The following AGBL4 variants were observed in gnomAD, a reference collection of about 807,000 sequenced individuals.
AGBL4 encodes the protein cytosolic carboxypeptidase 6.
Under a neutral mutation model 66.4 loss-of-function variants are expected in AGBL4, and 58 were observed. The observed-to-expected ratio is 0.87, with a 90% CI of 0.71 to 1.09. The LOEUF (loss-of-function observed/expected upper bound fraction) is 1.09, where lower values mean the gene tolerates loss of function less well. Ranked by LOEUF, AGBL4 falls within the 50% of genes least tolerant of loss-of-function variation. The probability of loss-of-function intolerance (pLI) is 0.00; values close to 1 mark genes in which losing one functional copy is unlikely to be tolerated. For synonymous variants in AGBL4, 234 were observed against 222.9 expected (o/e 1.05, Z -0.44); for missense variants, 579 against 631.0 (o/e 0.92, Z 0.88).
chr1:49,794,103 G>C (rs1417009190), intron 2 of AGBL4, among the ~76,000 whole-genome samples: 2 of 152,014 alleles, frequency 1.3e-5, no homozygotes, highest in East Asian at 3.9e-4. Context: ...TGAAGAATAA[G>C]TGAGAATCAA....
At chr1:49,642,710 T>C (rs947422425) in intron 3 of AGBL4, among the ~76,000 whole-genome samples, 9 of 151,942 alleles carry the variant, frequency 5.9e-5, no homozygotes, top group Non-Finnish European at 1.3e-4. Flanking sequence ...TTTGACAAAC[T>C]ACTCAGATAA....
At chr1:48,947,845 TC>T (rs1656647565) in intron 5 of AGBL4, among the ~76,000 whole-genome samples, 2 of 143,628 alleles carry the variant, frequency 1.4e-5, no homozygotes, top group African/African-American at 6.0e-5. Context: ...TTTTTTTCTC[TC>T]TCTCTTTTTG....
chr1:49,950,073 T>A (rs12748831), intron 1 of AGBL4, among the ~76,000 whole-genome samples: 9 of 141,756 alleles, frequency 6.3e-5, no homozygotes, highest in African/African-American at 2.3e-4. Context: ...CACATATATA[T>A]ACACATATGT....
At chr1:49,905,939 TC>T (rs1425958514) in intron 1 of AGBL4, among the ~76,000 whole-genome samples, 1 of 152,052 alleles carries the variant, frequency 6.6e-6, no homozygotes, top group Non-Finnish European at 1.5e-5. Context: ...CCCTACTCTC[TC>T]CCTTAGTATG....
At chr1:49,855,601 C>G (rs1249955398) in intron 1 of AGBL4, among the ~76,000 whole-genome samples, 1 of 152,070 alleles carries the variant, frequency 6.6e-6, no homozygotes, top group Non-Finnish European at 1.5e-5. Flanking sequence ...ACAAGAGGAT[C>G]TCTGCAGACT....
chr1:48,740,084 T>G (rs1444966735), intron 6 of AGBL4, among the ~76,000 whole-genome samples: 1 of 152,240 alleles, frequency 6.6e-6, no homozygotes, highest in Non-Finnish European at 1.5e-5. Context: ...GTTTTTCACT[T>G]CTGATGAGCT....
Position 48,590,903 on chromosome 1 carries a change from T to C in AGBL4, c.1034A>G (p.Asp345Gly). ...NGFMYGNIFE[D>G]EERFQRQAIF... ...GGCCTGCCTCTGGAACCGTTCCTCATCCTCAAAGATGTTGCCATACATGAA... is the reference window on the plus strand; with the variant it reads ...GGCCTGCCTCTGGAACCGTTCCTCACCCTCAAAGATGTTGCCATACATGAA... The change falls in exon 10 of 14, where the codon GAT (aspartate) becomes GGT (glycine). Residue 345 changes from aspartate to glycine, a missense_variant. Asp to Gly is a moderately conservative substitution (Grantham distance 94). Coordinates refer to ENST00000371839, the MANE Select transcript of AGBL4 (RefSeq NM_032785.4). 1 of 1,609,476 alleles carries C rather than the reference T, an allele frequency of 6.2e-7. No homozygotes were observed. Among genetic ancestry groups the C allele is most frequent in the Non-Finnish European group, 8.5e-7 (1 of 1,178,126 alleles).
At position 49,785,596 on chromosome 1, in the gene AGBL4, A is replaced by G. The variant is rs184573908; in HGVS notation, c.157+65800T>C. Among the ~76,000 whole-genome samples the G allele has an allele frequency of 5.3e-3, 805 of 152,074 alleles. 8 individuals carry two copies. Among genetic ancestry groups the G allele is most frequent in the Non-Finnish European group, 6.6e-3 (446 of 67,886 alleles). On this transcript the variant is annotated intron_variant, in intron 2 of 13. Transcript: ENST00000371839. ...CTATTTCAGGGTGGCAATGATAACA[A>G]TGATGTTCTGAAAACATATACAATG...
Position 49,039,499 on chromosome 1 carries a change from G to A in AGBL4, c.594+6085C>T, listed in dbSNP as rs76128205. On this transcript the variant is annotated intron_variant, in intron 5 of 13. Transcript: ENST00000371839. Reference sequence around the variant, plus strand: ...TCAATTTTGCTGTGAAACTAAAACCGTTCTAAAAAAGAAAAGAGTATATTA... The same window carrying A: ...TCAATTTTGCTGTGAAACTAAAACCATTCTAAAAAAGAAAAGAGTATATTA... Among the ~76,000 whole-genome samples the A allele has an allele frequency of 3.3e-3, 500 of 152,084 alleles. 3 individuals carry two copies. Among genetic ancestry groups the A allele is most frequent in the Non-Finnish European group, 5.4e-3 (364 of 67,924 alleles).
At chr1:49,100,453 G>A (rs1457538795) in intron 4 of AGBL4, among the ~76,000 whole-genome samples, 2 of 152,232 alleles carry the variant, frequency 1.3e-5, no homozygotes, top group Non-Finnish European at 2.9e-5. Flanking sequence ...GTCTTCAAAG[G>A]AGAATCTGGA....
At chr1:49,041,135 T>C (rs1022015764) in intron 5 of AGBL4, among the ~76,000 whole-genome samples, 1 of 152,068 alleles carries the variant, frequency 6.6e-6, no homozygotes, top group Non-Finnish European at 1.5e-5. Flanking sequence ...GATTGATAGT[T>C]CTAGCACTAA....
At chr1:48,874,029 A>G (rs1648965098) in intron 5 of AGBL4, among the ~76,000 whole-genome samples, 1 of 152,152 alleles carries the variant, frequency 6.6e-6, no homozygotes, top group Non-Finnish European at 1.5e-5. Context: ...TTCGTGCAAG[A>G]TAGCTATTTG....
At chr1:48,589,240 A>G (rs1434653255) in intron 10 of AGBL4, among the ~76,000 whole-genome samples, 3 of 152,014 alleles carry the variant, frequency 2.0e-5, no homozygotes, top group Admixed American at 6.6e-5. Context: ...TTCTGGGGCC[A>G]CTCTTTACTC....
chr1:49,717,213 T>TA (rs1200566991), intron 2 of AGBL4, among the ~76,000 whole-genome samples: 1 of 151,864 alleles, frequency 6.6e-6, no homozygotes, highest in Non-Finnish European at 1.5e-5. Flanking sequence ...AAAGGACACA[T>TA]ACAAATGGAA....
chr1:49,388,448 G>A (rs1455198583), intron 3 of AGBL4, among the ~76,000 whole-genome samples: 1 of 152,080 alleles, frequency 6.6e-6, no homozygotes, highest in Non-Finnish European at 1.5e-5. Context: ...ACTTATAATA[G>A]TTCATCTTCT....
At chr1:49,210,726 C>T (rs1016173371) in intron 4 of AGBL4, among the ~76,000 whole-genome samples, 1 of 152,026 alleles carries the variant, frequency 6.6e-6, no homozygotes, top group African/African-American at 2.4e-5. Context: ...TTGCCCCTTC[C>T]CTTATAAAAT....
intron 3 of AGBL4, among the ~76,000 whole-genome samples, chr1:49,263,313 TTAAA>T (rs1245275271): frequency 6.6e-5 from 10 of 151,236 alleles, no homozygotes; most frequent in African/African-American, 1.2e-4. Flanking sequence ...AATAATAAAA[TTAAA>T]TAAATAGACA....
In AGBL4 at chr1:48,590,132, C is replaced by T. The variant is rs538468430; in HGVS notation, c.1104+701G>A. ...AAAATTAGCCAGTAGCGGCCAGGCG[C>T]GGTGGCTCACGCCTGTAATCCCAGC... is the stretch of plus-strand genomic sequence containing the variant. On this transcript the variant is annotated intron_variant, in intron 10 of 13. Coordinates refer to ENST00000371839, the MANE Select transcript of AGBL4 (RefSeq NM_032785.4). Among the ~76,000 whole-genome samples the T allele has an allele frequency of 9.2e-5, 14 of 152,212 alleles. No individual in the cohort carries two copies. In the South Asian group the frequency reaches 1.9e-3, roughly 20 times the overall value.
At position 49,640,437 on chromosome 1, in the gene AGBL4, G is replaced by A. The variant is rs560716145; in HGVS notation, c.282+56876C>T. The stretch of plus-strand genomic sequence containing the variant: ...TCTCACACCACAGCATAGAGGGTGT[G>A]AGATCTTCAGATCTTTTTCCCTCAG... On this transcript the variant is annotated intron_variant, in intron 3 of 13. Transcript: ENST00000371839. Among the ~76,000 whole-genome samples, 3 of 152,306 alleles carry A rather than the reference G, an allele frequency of 2.0e-5. No individual in the cohort carries two copies. In the East Asian group the frequency reaches 5.8e-4, roughly 29 times the overall value.
Sources: allele counts gnomAD v4.1 joint callset (sites outside exome capture counted in the v4.1 genomes callset), GRCh38; gene constraint gnomAD v4.1.1; transcripts MANE v1.5; gene names NCBI Gene and HGNC (gene_info 2026-07-23, HGNC 2026-07-21).